Variants in NUP93 observed in about 807,000 individuals in gnomAD.
The protein encoded by NUP93 is nuclear pore complex protein Nup93.
Under a neutral mutation model 107.8 loss-of-function variants are expected in NUP93, and 55 were observed. That is an observed-to-expected ratio of 0.51 (90% CI 0.41 to 0.64). The LOEUF (loss-of-function observed/expected upper bound fraction) is 0.64. Ranked by LOEUF, NUP93 falls within the 30% of genes least tolerant of loss-of-function variation. The pLI, the probability that NUP93 is intolerant of heterozygous loss-of-function variation, is 0.00. For synonymous variants in NUP93, 390 were observed against 397.5 expected (o/e 0.98, Z 0.22); for missense variants, 937 against 1,044.7 (o/e 0.90, Z 1.42).
rs1471694670 is a variant in NUP93, at chr16:56,736,351, A to G, written c.-15+6140A>G. 2.0e-5 allele frequency among the ~76,000 whole-genome samples: 3 copies of G among 152,202 alleles called. No individual in the cohort carries two copies. In the East Asian group the frequency reaches 5.8e-4, roughly 29 times the overall value. On this transcript the variant is annotated intron_variant, in intron 1 of 21. Transcript: ENST00000308159. ...CCATCTCAAAAATAAATAAATAAAT[A>G]ATCTGTTTCGGTAATGAGAGTTTGG...
At position 56,845,165 on chromosome 16, in the gene NUP93, T is replaced by G; in HGVS notation, c.*556T>G. 5.5e-6 allele frequency: 1 copy of G among 181,312 alleles called. No individual in the cohort carries two copies. Among genetic ancestry groups the G allele is most frequent in the Non-Finnish European group, 1.2e-5 (1 of 85,358 alleles). The allele number at this position is 181,312 out of a possible 1,614,324, so 11.2% of individuals were successfully genotyped here. ...CATCCCCCAAATCATCAGCTCTGATTGCAGGATTCATCAGTTTGCCGTTCT... is the reference window on the plus strand; with the variant it reads ...CATCCCCCAAATCATCAGCTCTGATGGCAGGATTCATCAGTTTGCCGTTCT... On this transcript the variant is annotated 3_prime_UTR_variant, in exon 22 of 22. Coordinates refer to ENST00000308159, the MANE Select transcript of NUP93 (RefSeq NM_014669.5).
rs1381741682 is a variant in NUP93 at position 56,830,644 on chromosome 16, T to C, written c.1044T>C (p.Phe348=). 1 of 1,605,478 alleles carries C rather than the reference T, an allele frequency of 6.2e-7. No individual in the cohort carries two copies. Among genetic ancestry groups the C allele is most frequent in the Admixed American group, 1.7e-5 (1 of 59,830 alleles). The part of the protein sequence containing the change: ...VNRAQHQLGE[F]KTWFQEYMNS... ...GAGCCCAGCACCAGCTGGGAGAGTT[T>C]AAAACCTGGTTCCAGGAGTACATGA... The change falls in exon 10 of 22, where the codon TTT becomes TTC. Residue 348 remains phenylalanine (F), a synonymous_variant. Coordinates refer to ENST00000308159, the MANE Select transcript of NUP93 (RefSeq NM_014669.5).
intron 1 of NUP93, among the ~76,000 whole-genome samples, chr16:56,747,343 G>A (rs1200834248): frequency 2.6e-5 from 4 of 152,294 alleles, no homozygotes; most frequent in Admixed American, 2.0e-4. Flanking sequence ...GATTTAATTA[G>A]TGGTAGGAGT....
chr16:56,755,157 G>A (rs1961996056), intron 2 of NUP93, among the ~76,000 whole-genome samples: 1 of 152,136 alleles, frequency 6.6e-6, no homozygotes, highest in Non-Finnish European at 1.5e-5. Flanking sequence ...AAATGGAAAT[G>A]TATACTCACA....
intron 2 of NUP93, 80 bp from the exon 3 acceptor site, chr16:56,758,458 T>G: frequency 9.8e-7 from 1 of 1,022,548 alleles, no homozygotes; most frequent in Non-Finnish European, 1.6e-6. Flanking sequence ...CTCTAGTATT[T>G]GATGAAGCAT....
chr16:56,813,576 G>A (rs1218803988), intron 5 of NUP93, among the ~76,000 whole-genome samples: 4 of 152,118 alleles, frequency 2.6e-5, no homozygotes, highest in Admixed American at 1.3e-4. Flanking sequence ...GATCTTGTGC[G>A]CTTTTCTGAC....
At chr16:56,733,374 A>G (rs1449705442) in intron 1 of NUP93, among the ~76,000 whole-genome samples, 3 of 152,186 alleles carry the variant, frequency 2.0e-5, no homozygotes, top group African/African-American at 7.2e-5. Context: ...TCGGCGTGCA[A>G]GTCAGAGAAG....
intron 3 of NUP93, among the ~76,000 whole-genome samples, chr16:56,788,648 A>G (rs1302603369): frequency 6.6e-6 from 1 of 152,252 alleles, no homozygotes; most frequent in East Asian, 1.9e-4. Context: ...AGGGCCCCTG[A>G]AAAGGGCAGA....
chr16:56,822,494 C>CA (rs761139077), intron 7 of NUP93, among the ~76,000 whole-genome samples: 14 of 136,286 alleles, frequency 1.0e-4, no homozygotes, highest in Non-Finnish European at 2.0e-4. Context: ...GCCTGGGTGA[C>CA]AAAGAGTGAG....
chr16:56,744,978 T>C (rs1961797638), intron 1 of NUP93, among the ~76,000 whole-genome samples: 1 of 152,176 alleles, frequency 6.6e-6, no homozygotes, highest in African/African-American at 2.4e-5. Flanking sequence ...ATTCAAAAAA[T>C]GAGTACCTGC....
At chr16:56,763,488 GTGTGTGTGTGGGTGGGTGTGTGTGTGTA>G (rs1368418874) in intron 3 of NUP93, among the ~76,000 whole-genome samples, 1 of 151,490 alleles carries the variant, frequency 6.6e-6, no homozygotes, top group Non-Finnish European at 1.5e-5. Flanking sequence ...CTGCTTGTGT[GTGTGTGTGTGGGTGGGTGTGTGTGTGTA>G]TGTGTGGGTG....
chr16:56,764,707 T>TG lies in NUP93; in HGVS notation c.297+6054dup, dbSNP rs141764386. 7.7e-3 allele frequency among the ~76,000 whole-genome samples: 1,167 copies of TG among 152,298 alleles called. 17 individuals carry two copies. The highest frequency in any genetic ancestry group is 0.027 in the African/African-American group (1,104 of 41,578). ...TTGCGGAAATCCTGTGGCAGTTTGT[T>TG]GGAAAGAGGGTCAGATTTGCCTAGA... On this transcript the variant is annotated intron_variant, in intron 3 of 21. Coordinates refer to ENST00000308159, the MANE Select transcript of NUP93 (RefSeq NM_014669.5).
chr16:56,737,311 G>T (rs1306003798), intron 1 of NUP93, among the ~76,000 whole-genome samples: 2 of 152,124 alleles, frequency 1.3e-5, no homozygotes, highest in South Asian at 2.1e-4. Context: ...GAGGTAGGTG[G>T]AGGAAAGCAA....
rs1567398879 is a variant in NUP93 at position 56,808,538 on chromosome 16, A to AACTATATATAAATATAGTTATG, written c.489+2906_489+2907insACTATATATAAATATAGTTATG. On this transcript the variant is annotated intron_variant, in intron 5 of 21. Transcript: ENST00000308159. Reference sequence around the variant, plus strand: ...TGTAACTATATATAAATATAGTTATATAACTATAAATATATAAAAATATAT... The same window carrying AACTATATATAAATATAGTTATG: ...TGTAACTATATATAAATATAGTTATAACTATATATAAATATAGTTATGTAACTATAAATATATAAAAATATAT... Among the ~76,000 whole-genome samples the AACTATATATAAATATAGTTATG allele has an allele frequency of 2.7e-4, 32 of 119,864 alleles. 1 individual carries two copies. The highest frequency in any genetic ancestry group is 1.4e-3 in the East Asian group (5 of 3,600). The allele number at this position is 119,864 out of a possible 152,430, so 78.6% of individuals were successfully genotyped here.
At chr16:56,784,113 A>C (rs1349854640) in intron 3 of NUP93, among the ~76,000 whole-genome samples, 1 of 152,184 alleles carries the variant, frequency 6.6e-6, no homozygotes, top group Non-Finnish European at 1.5e-5. Context: ...AATTTAAGTT[A>C]ATGAGAAGTA....
chr16:56,802,296 CT>C (rs1963038077), intron 4 of NUP93, among the ~76,000 whole-genome samples: 1 of 151,456 alleles, frequency 6.6e-6, no homozygotes, highest in South Asian at 2.1e-4. Flanking sequence ...AAAATTATCT[CT>C]TCCCCCCCAC....
chr16:56,770,961 C>T (rs1182966367), intron 3 of NUP93, among the ~76,000 whole-genome samples: 4 of 151,986 alleles, frequency 2.6e-5, no homozygotes, highest in African/African-American at 7.2e-5. Context: ...TGGTCAATTC[C>T]TATAAATTGA....
chr16:56,849,568 C>G lies in NUP93; in HGVS notation c.*4959C>G, dbSNP rs1027164832. On this transcript the variant is annotated 3_prime_UTR_variant, in exon 22 of 22. Coordinates refer to ENST00000308159, the MANE Select transcript of NUP93 (RefSeq NM_014669.5). The stretch of plus-strand genomic sequence containing the variant: ...CCTCAGCAGACCTGGCCTAGGCAGG[C>G]TTTCAGGTGGCACCCAGGGGCTTTA... The G allele has an allele frequency of 2.0e-5, 3 of 152,398 alleles. No individual in the cohort carries two copies. Among genetic ancestry groups the G allele is most frequent in the Admixed American group, 1.3e-4 (2 of 15,306 alleles). The allele number at this position is 152,398 out of a possible 1,614,324, so 9.4% of individuals were successfully genotyped here.
At chr16:56,830,118 G>A (rs1439661069) in intron 9 of NUP93, among the ~76,000 whole-genome samples, 5 of 152,200 alleles carry the variant, frequency 3.3e-5, no homozygotes, top group African/African-American at 9.7e-5. Flanking sequence ...TATAAGGATA[G>A]TCTCTTACTG....
Sources: gnomAD v4.1 joint callset for allele counts (sites outside exome capture counted in the v4.1 genomes callset) on GRCh38, gnomAD v4.1.1 for gene constraint, MANE v1.5 for transcripts, NCBI Gene and HGNC (gene_info 2026-07-23, HGNC 2026-07-21) for gene names.